Variants in ROBO1 observed in about 807,000 individuals in gnomAD.
The protein encoded by ROBO1 is roundabout homolog 1.
A neutral mutation model predicts 195.9 loss-of-function variants in ROBO1; 149 were observed. The observed-to-expected ratio is 0.76, with a 90% CI of 0.67 to 0.87. The LOEUF is 0.87. ROBO1 is among the 40% of genes least tolerant of loss of function. ROBO1 has a pLI of 0.00. For missense variants in ROBO1, 1,933 were observed against 2,068.3 expected (o/e 0.93, Z 1.27); for synonymous variants, 816 against 733.2 (o/e 1.11, Z -1.82).
intron 4 of ROBO1, among the ~76,000 whole-genome samples, chr3:78,774,798 C>G (rs1244317854): frequency 2.6e-5 from 4 of 152,060 alleles, no homozygotes; most frequent in Non-Finnish European, 5.9e-5. Context: ...ACTCTATTTA[C>G]TATGTAAATA....
At chr3:78,783,354 GC>G (rs1052537663) in intron 4 of ROBO1, among the ~76,000 whole-genome samples, 23 of 152,228 alleles carry the variant, frequency 1.5e-4, no homozygotes, top group African/African-American at 4.8e-4. Context: ...AGCAAAACTA[GC>G]CATTACTAAA....
intron 2 of ROBO1, among the ~76,000 whole-genome samples, chr3:79,577,393 C>T (rs981021218): frequency 6.6e-6 from 1 of 151,850 alleles, no homozygotes; most frequent in African/African-American, 2.4e-5. Context: ...TTGTGTTTAG[C>T]GAAGAGTTTT....
chr3:79,378,124 T>C (rs1279367017), intron 2 of ROBO1, among the ~76,000 whole-genome samples: 1 of 151,974 alleles, frequency 6.6e-6, no homozygotes, highest in African/African-American at 2.4e-5. Flanking sequence ...GTTATGCATT[T>C]AAGGAACATA....
intron 2 of ROBO1, among the ~76,000 whole-genome samples, chr3:79,322,935 A>T (rs1180432229): frequency 6.6e-6 from 1 of 152,208 alleles, no homozygotes; most frequent in Non-Finnish European, 1.5e-5. Context: ...TTTTAAATCT[A>T]TACCAACTGG....
intron 14 of ROBO1, among the ~76,000 whole-genome samples, chr3:78,666,635 A>T (rs1490930442): frequency 6.6e-6 from 1 of 152,210 alleles, no homozygotes; most frequent in Non-Finnish European, 1.5e-5. Flanking sequence ...GATTCATAAT[A>T]GCAAATATGA....
intron 4 of ROBO1, among the ~76,000 whole-genome samples, chr3:78,871,559 C>T (rs532959044): frequency 3.3e-5 from 5 of 152,060 alleles, no homozygotes; most frequent in African/African-American, 1.2e-4. Context: ...ATACATTTTA[C>T]TATGGATCTG....
At chr3:78,785,896 G>A (rs2108503075) in intron 4 of ROBO1, among the ~76,000 whole-genome samples, 1 of 152,246 alleles carries the variant, frequency 6.6e-6, no homozygotes, top group South Asian at 2.1e-4. Flanking sequence ...TTCACAACAA[G>A]CAGCAGTCCA....
chr3:78,782,769 A>G (rs1354627684), intron 4 of ROBO1, among the ~76,000 whole-genome samples: 1 of 152,246 alleles, frequency 6.6e-6, no homozygotes, highest in Admixed American at 6.5e-5. Flanking sequence ...CTACTAGAAC[A>G]TTCATCACCT....
At chr3:79,482,928 T>C (rs1051859490) in intron 2 of ROBO1, among the ~76,000 whole-genome samples, 1 of 152,158 alleles carries the variant, frequency 6.6e-6, no homozygotes, top group Non-Finnish European at 1.5e-5. Context: ...GTTCTAGCTA[T>C]GCCATCAGCT....
chr3:79,211,146 T>A (rs2081960267), intron 2 of ROBO1, among the ~76,000 whole-genome samples: 1 of 152,096 alleles, frequency 6.6e-6, no homozygotes, highest in South Asian at 2.1e-4. Flanking sequence ...AGAATTTTTT[T>A]AGTTTTTCTT....
chr3:78,764,082 T>G (rs1250685663), intron 4 of ROBO1, among the ~76,000 whole-genome samples: 1 of 152,196 alleles, frequency 6.6e-6, no homozygotes, highest in Non-Finnish European at 1.5e-5. Context: ...AACGAAAATT[T>G]TAATTAGACT....
chr3:78,976,098 G>A (rs1335491501), intron 3 of ROBO1, among the ~76,000 whole-genome samples: 1 of 152,042 alleles, frequency 6.6e-6, no homozygotes, highest in African/African-American at 2.4e-5. Context: ...CTATGGCATC[G>A]AATAAGTGCT....
chr3:79,576,024 G>A (rs537230873), intron 2 of ROBO1, among the ~76,000 whole-genome samples: 12 of 151,966 alleles, frequency 7.9e-5, no homozygotes, highest in African/African-American at 2.9e-4. Flanking sequence ...TTGATGTGAA[G>A]TTATATCACA....
chr3:78,695,735 G>A (rs1439427132), intron 8 of ROBO1, among the ~76,000 whole-genome samples: 2 of 151,620 alleles, frequency 1.3e-5, no homozygotes, highest in South Asian at 2.1e-4. Flanking sequence ...TAAAACATGA[G>A]AGGTTTTGGA....
chr3:79,739,528 T>C (rs1703534465), intron 1 of ROBO1, among the ~76,000 whole-genome samples: 2 of 152,154 alleles, frequency 1.3e-5, no homozygotes, highest in African/African-American at 2.4e-5. Context: ...ACATGAATGA[T>C]GTTCATATAT....
chr3:78,803,289 G>C (rs1445690291), intron 4 of ROBO1, among the ~76,000 whole-genome samples: 3 of 152,144 alleles, frequency 2.0e-5, no homozygotes, highest in African/African-American at 7.2e-5. Flanking sequence ...GCAATGTCTA[G>C]AAAATCCTGT....
intron 2 of ROBO1, among the ~76,000 whole-genome samples, chr3:79,446,045 G>C (rs765577715): frequency 6.6e-6 from 1 of 152,106 alleles, no homozygotes; most frequent in Non-Finnish European, 1.5e-5. Context: ...CAATCCCCTT[G>C]CCTCAGCCTC....
chr3:79,002,279 G>A (rs2077522864), intron 3 of ROBO1, among the ~76,000 whole-genome samples: 2 of 151,986 alleles, frequency 1.3e-5, no homozygotes, highest in African/African-American at 2.4e-5. Flanking sequence ...TGCTCTTTTG[G>A]TCATGGAACC....
intron 2 of ROBO1, among the ~76,000 whole-genome samples, chr3:79,365,902 A>C (rs2035961459): frequency 6.6e-6 from 1 of 150,396 alleles, no homozygotes. Flanking sequence ...GTCTCAAAAA[A>C]AAAAAAAAAA....
Sources: gnomAD v4.1 joint callset for allele counts (sites outside exome capture counted in the v4.1 genomes callset) on GRCh38, gnomAD v4.1.1 for gene constraint, MANE v1.5 for transcripts, NCBI Gene and HGNC (gene_info 2026-07-23, HGNC 2026-07-21) for gene names.